PTPRN2: variants seen among roughly 807,000 people sequenced by gnomAD.
PTPRN2 encodes the protein receptor-type tyrosine-protein phosphatase N2.
A neutral mutation model predicts 118.8 loss-of-function variants in PTPRN2; 74 were observed. The ratio of observed to expected loss-of-function variants is 0.62; its 90% CI spans 0.52 to 0.76. The LOEUF is 0.76. PTPRN2 is among the 30% of genes least tolerant of loss of function. The pLI, the probability that PTPRN2 is intolerant of heterozygous loss-of-function variation, is 0.00. For missense variants in PTPRN2, 1,481 were observed against 1,394.4 expected (o/e 1.06, Z -0.99); for synonymous variants, 641 against 608.0 (o/e 1.05, Z -0.80).
intron 12 of PTPRN2, among the ~76,000 whole-genome samples, chr7:157,774,209 A>G (rs1186088957): frequency 6.6e-6 from 1 of 152,210 alleles, no homozygotes; most frequent in Admixed American, 6.5e-5. Flanking sequence ...TATTTTTTGA[A>G]AATCATAGCT....
chr7:157,607,155 T>G (rs1217890560), intron 15 of PTPRN2, among the ~76,000 whole-genome samples: 1 of 152,220 alleles, frequency 6.6e-6, no homozygotes, highest in Non-Finnish European at 1.5e-5. Context: ...AAATTGGCAG[T>G]GGCAGGAAAT....
rs1473125912 is a variant in PTPRN2, at chr7:158,441,284, G to A, written c.163+48451C>T. The stretch of plus-strand genomic sequence containing the variant: ...TGATGGTGATAGTGATGGTGATGGT[G>A]GTGGTGGTGATGGTGATAGTAATGG... On this transcript the variant is annotated intron_variant, in intron 2 of 22. Coordinates refer to ENST00000389418, the MANE Select transcript of PTPRN2 (RefSeq NM_002847.5). 7.6e-4 allele frequency among the ~76,000 whole-genome samples: 75 copies of A among 98,428 alleles called. 4 individuals carry two copies. Among genetic ancestry groups the A allele is most frequent in the African/African-American group, 2.3e-3 (72 of 31,238 alleles). 64.6% of individuals were successfully genotyped at this position (98,428 alleles called of 152,430 possible).
intron 5 of PTPRN2, among the ~76,000 whole-genome samples, chr7:158,185,092 C>A (rs1312104532): frequency 1.3e-5 from 2 of 152,034 alleles, no homozygotes; most frequent in Non-Finnish European, 2.9e-5. Flanking sequence ...ATAAATCTGC[C>A]TTGATTATGA....
chr7:157,623,416 A>G (rs1585128962), intron 14 of PTPRN2, among the ~76,000 whole-genome samples: 1 of 152,188 alleles, frequency 6.6e-6, no homozygotes, highest in African/African-American at 2.4e-5. Context: ...TTTCTTTGAA[A>G]AATGCTCTTT....
chr7:157,730,944 C>G (rs1367323106), intron 12 of PTPRN2, among the ~76,000 whole-genome samples: 3 of 152,172 alleles, frequency 2.0e-5, no homozygotes, highest in African/African-American at 7.2e-5. Context: ...TCCCCAACTC[C>G]CCACCCAATG....
intron 2 of PTPRN2, among the ~76,000 whole-genome samples, chr7:158,355,053 G>A (rs1359481221): frequency 6.6e-6 from 1 of 150,582 alleles, no homozygotes; most frequent in Non-Finnish European, 1.5e-5. Flanking sequence ...TGTCACCCAA[G>A]AATACTGTAT....
intron 2 of PTPRN2, among the ~76,000 whole-genome samples, chr7:158,325,867 C>A (rs1803465612): frequency 6.6e-6 from 1 of 152,244 alleles, no homozygotes; most frequent in African/African-American, 2.4e-5. Context: ...ACAGTAAACA[C>A]CAAATGCATC....
chr7:157,677,472 C>T (rs1796724437), intron 13 of PTPRN2, among the ~76,000 whole-genome samples: 1 of 152,158 alleles, frequency 6.6e-6, no homozygotes, highest in Non-Finnish European at 1.5e-5. Flanking sequence ...CTCTCAGGAG[C>T]TGTATCTGAG....
chr7:157,780,469 C>T lies in PTPRN2; in HGVS notation c.1789-97532G>A, dbSNP rs896634367. 2.6e-5 allele frequency among the ~76,000 whole-genome samples: 4 copies of T among 152,228 alleles called. No homozygotes were observed. Among genetic ancestry groups the T allele is most frequent in the Non-Finnish European group, 2.9e-5 (2 of 68,040 alleles). On this transcript the variant is annotated intron_variant, in intron 12 of 22. Coordinates refer to ENST00000389418, the MANE Select transcript of PTPRN2 (RefSeq NM_002847.5). This position sits in a 1 kb window ranked among gnomAD's most constrained non-coding sequence, Gnocchi z 4.5. ...TGCTGCTGGATCAGATGGCGGAACA[C>T]GGCCCAGAGCAACTGAAGTTCGCTT...
At chr7:157,543,399 C>A (rs1798105889) in intron 22 of PTPRN2, among the ~76,000 whole-genome samples, 1 of 152,260 alleles carries the variant, frequency 6.6e-6, no homozygotes, top group South Asian at 2.1e-4. Context: ...AGGCTCAGGC[C>A]AGGTCAGGCT....
At chr7:158,064,119 C>T (rs1000500849) in intron 11 of PTPRN2, among the ~76,000 whole-genome samples, 8 of 152,188 alleles carry the variant, frequency 5.3e-5, no homozygotes, top group African/African-American at 1.9e-4. Context: ...CTAGAGGCGA[C>T]GAGGTCTCAG....
intron 5 of PTPRN2, among the ~76,000 whole-genome samples, chr7:158,170,776 A>G (rs1444678375): frequency 2.6e-5 from 4 of 152,170 alleles, no homozygotes; most frequent in Non-Finnish European, 5.9e-5. Context: ...GAGGTCCCCA[A>G]GGAAAAGGAA....
At chr7:158,515,417 C>A (rs766924530) in intron 1 of PTPRN2, among the ~76,000 whole-genome samples, 9 of 152,062 alleles carry the variant, frequency 5.9e-5, no homozygotes, top group Non-Finnish European at 1.2e-4. Context: ...AAACTCCCAA[C>A]CTCAGGTGAT....
intron 11 of PTPRN2, among the ~76,000 whole-genome samples, chr7:157,982,183 G>C (rs1048676834): frequency 1.7e-4 from 23 of 137,124 alleles, no homozygotes; most frequent in Non-Finnish European, 3.1e-4. Context: ...GGAATGCAGA[G>C]TGCAGGGTCC....
At chr7:158,309,349 T>C (rs1801528211) in intron 3 of PTPRN2, among the ~76,000 whole-genome samples, 1 of 38,264 alleles carries the variant, frequency 2.6e-5, no homozygotes. Context: ...TCTTCCAGCC[T>C]ACACGCTACT....
intron 12 of PTPRN2, among the ~76,000 whole-genome samples, chr7:157,747,962 C>G (rs1801109299): frequency 1.9e-5 from 2 of 105,188 alleles, no homozygotes; most frequent in African/African-American, 4.8e-5. Flanking sequence ...GAGCTGCAGG[C>G]TGTTGAGGTG....
chr7:157,976,620 A>G (rs1399021689), intron 11 of PTPRN2, among the ~76,000 whole-genome samples: 1 of 151,654 alleles, frequency 6.6e-6, no homozygotes, highest in Non-Finnish European at 1.5e-5. Flanking sequence ...TGGGGCCTCC[A>G]AGATCGCAAA....
chr7:157,851,769 C>T (rs1718216566), intron 12 of PTPRN2, among the ~76,000 whole-genome samples: 1 of 152,236 alleles, frequency 6.6e-6, no homozygotes, highest in South Asian at 2.1e-4. Context: ...TTCCAGCCTT[C>T]TCTCACATGC....
chr7:157,789,344 G>T (rs1401463187), intron 12 of PTPRN2, among the ~76,000 whole-genome samples: 4 of 152,180 alleles, frequency 2.6e-5, no homozygotes, highest in Non-Finnish European at 5.9e-5. Flanking sequence ...TTCCCTCCTG[G>T]TGGTCCCGGG....
Sources: gnomAD v4.1 joint callset for allele counts (sites outside exome capture counted in the v4.1 genomes callset) on GRCh38, gnomAD v4.1.1 for gene constraint, Gnocchi (gnomAD v3.1) non-coding constraint, MANE v1.5 for transcripts, NCBI Gene and HGNC (gene_info 2026-07-23, HGNC 2026-07-21) for gene names.